The following DERL1 variants were observed in gnomAD, a reference collection of about 807,000 sequenced individuals.
The protein encoded by DERL1 is derlin-1.
A neutral mutation model predicts 41.6 loss-of-function variants in DERL1; 24 were observed. That is an observed-to-expected ratio of 0.58 (90% CI 0.42 to 0.81). The LOEUF is 0.81. DERL1 is among the 30% of genes least tolerant of loss of function. The pLI, the probability that DERL1 is intolerant of heterozygous loss-of-function variation, is 0.00. For synonymous variants in DERL1, 124 were observed against 112.5 expected, an observed-to-expected ratio of 1.10 and a Z score of -0.65; for missense variants, 260 against 314.3, an observed-to-expected ratio of 0.83 and a Z score of 1.31.
rs187476188 is a variant in DERL1 at position 123,019,029 on chromosome 8, T to C, written c.617+166A>G. The C allele has an allele frequency of 3.2e-5, 21 of 655,624 alleles. No homozygotes were observed. In the African/African-American group the frequency reaches 3.5e-4, roughly 11 times the overall value. 40.6% of individuals were successfully genotyped at this position (655,624 alleles called of 1,614,324 possible). ...GAAGGCAACTGAGCCTAAGCTTTAA[T>C]CCCTAACTTCCTGTGACTGTGTGAC... On this transcript the variant is annotated intron_variant, in intron 7 of 7. Transcript: ENST00000259512.
At chr8:123,037,431 A>G (rs1269664492) in intron 1 of DERL1, among the ~76,000 whole-genome samples, 2 of 152,228 alleles carry the variant, frequency 1.3e-5, no homozygotes, top group African/African-American at 4.8e-5. Context: ...GTCTTAGAAC[A>G]AAGTTAATAT....
Position 123,039,594 on chromosome 8 carries a change from G to C in DERL1, c.153+2376C>G, listed in dbSNP as rs144812047. Among the ~76,000 whole-genome samples the C allele has an allele frequency of 1.2e-3, 189 of 152,314 alleles. 1 individual carries two copies. The highest frequency in any genetic ancestry group is 4.4e-3 in the African/African-American group (181 of 41,584). ...AGCCAGATCTACCCAAAGCTGGCTG[G>C]CTGGCTCCTCAGTATTCCAATTTCT... On this transcript the variant is annotated intron_variant, in intron 1 of 7. Transcript: ENST00000259512.
chr8:123,025,105 A>T, intron 2 of DERL1, 55 bp from the exon 3 acceptor site: 1 of 1,564,236 alleles, frequency 6.4e-7, no homozygotes, highest in Non-Finnish European at 8.7e-7. Context: ...ACAAAGTAAC[A>T]TCTACATAGA....
intron 1 of DERL1, among the ~76,000 whole-genome samples, chr8:123,041,339 G>A (rs888302286): frequency 2.0e-4 from 31 of 152,304 alleles, no homozygotes; most frequent in African/African-American, 7.5e-4. Context: ...TGTTACTCTG[G>A]ACTGTTTCCT....
chr8:123,024,921 CTA>C, intron 3 of DERL1, 63 bp downstream of exon 3: 1 of 1,532,036 alleles, frequency 6.5e-7, no homozygotes, highest in South Asian at 1.2e-5. Context: ...AGAATATGGT[CTA>C]TTTCCCCAAA....
Position 123,014,670 on chromosome 8 carries a change from C to G in DERL1, c.*777G>C, listed in dbSNP as rs1814506837. ...GGGTTGCATCCCCCATGGTTTAAACCTAACCCATGTTAGCTGCAACTCCAC... is the reference window on the plus strand; with the variant it reads ...GGGTTGCATCCCCCATGGTTTAAACGTAACCCATGTTAGCTGCAACTCCAC... On this transcript the variant is annotated 3_prime_UTR_variant, in exon 8 of 8. Coordinates refer to ENST00000259512, the MANE Select transcript of DERL1 (RefSeq NM_024295.6). 6.6e-6 allele frequency: 1 copy of G among 152,280 alleles called. No individual in the cohort carries two copies. The highest frequency in any genetic ancestry group is 1.5e-5 in the Non-Finnish European group (1 of 68,054). The allele number at this position is 152,280 out of a possible 1,614,324, so 9.4% of individuals were successfully genotyped here.
At chr8:123,028,749 A>G (rs960695712) in intron 2 of DERL1, among the ~76,000 whole-genome samples, 2 of 152,186 alleles carry the variant, frequency 1.3e-5, no homozygotes, top group African/African-American at 4.8e-5. Context: ...TTTACTATTG[A>G]TATAACGTTT....
intron 1 of DERL1, among the ~76,000 whole-genome samples, chr8:123,039,729 T>C (rs1397619932): frequency 6.6e-6 from 1 of 152,124 alleles, no homozygotes; most frequent in Non-Finnish European, 1.5e-5. Flanking sequence ...TTCAGTCCTA[T>C]TTACTATTGT....
Position 123,023,695 on chromosome 8 carries a change from GT to G in DERL1, c.357+17del. The G allele has an allele frequency of 1.2e-6, 2 of 1,602,888 alleles. No homozygotes were observed. Among genetic ancestry groups the G allele is most frequent in the South Asian group, 2.3e-5 (2 of 88,886 alleles). ...AAACAAATAAAAGGGCAAATAGATA[GT>G]TTAAATGGACACTTACCTGCATATC... On this transcript the variant is annotated intron_variant, in intron 4 of 7. Transcript: ENST00000259512.
At chr8:123,020,009 G>A (rs1228143151) in intron 6 of DERL1, among the ~76,000 whole-genome samples, 1 of 152,212 alleles carries the variant, frequency 6.6e-6, no homozygotes, top group Non-Finnish European at 1.5e-5. Flanking sequence ...CTGGGTGGAA[G>A]AGCAGCTTTG....
At chr8:123,023,833 T>A in intron 3 of DERL1, 94 bp from the exon 4 acceptor site, 1 of 1,414,030 alleles carries the variant, frequency 7.1e-7, no homozygotes, top group Non-Finnish European at 9.7e-7. Flanking sequence ...AAAGTTCACT[T>A]GGCCAGGTGT....
intron 2 of DERL1, among the ~76,000 whole-genome samples, chr8:123,025,336 C>A (rs1038013273): frequency 3.3e-5 from 5 of 152,208 alleles, no homozygotes; most frequent in Non-Finnish European, 7.3e-5. Context: ...AAAGTACAGT[C>A]AATTCCACAG....
At chr8:123,030,178 A>T (rs572402249) in intron 2 of DERL1, 14 of 154,146 alleles carry the variant, frequency 9.1e-5, no homozygotes, top group Admixed American at 7.2e-4. Context: ...CAATTAGAGA[A>T]TAAATCTAGG....
chr8:123,020,195 T>G (rs987768293), intron 6 of DERL1, among the ~76,000 whole-genome samples: 2 of 152,308 alleles, frequency 1.3e-5, no homozygotes, highest in Admixed American at 1.3e-4. Context: ...AAATGGGAGT[T>G]CTGGCTGGGT....
chr8:123,038,650 T>C (rs545218346), intron 1 of DERL1, among the ~76,000 whole-genome samples: 1 of 152,254 alleles, frequency 6.6e-6, no homozygotes, highest in African/African-American at 2.4e-5. Context: ...GTCACTAGTG[T>C]CACTACACAA....
At chr8:123,018,213 C>T (rs1242015984) in intron 7 of DERL1, 2 of 152,134 alleles carry the variant, frequency 1.3e-5, no homozygotes, top group African/African-American at 4.8e-5. Flanking sequence ...CAAGCTATTA[C>T]TGCATATCCC....
In DERL1 at chr8:123,015,389, G is replaced by A. The variant is rs1814532868; in HGVS notation, c.*58C>T. ...GTTAGCCAGAACGCAGTTGTTAAGT[G>A]CACCCAGCACTGGGAGGAAATGTGG... On this transcript the variant is annotated 3_prime_UTR_variant, in exon 8 of 8. Coordinates refer to ENST00000259512, the MANE Select transcript of DERL1 (RefSeq NM_024295.6). 3.2e-6 allele frequency: 5 copies of A among 1,587,140 alleles called. No homozygotes were observed. The highest frequency in any genetic ancestry group is 1.2e-5 in the South Asian group (1 of 86,436).
chr8:123,023,792 A>G, intron 3 of DERL1, 53 bp from the exon 4 acceptor site: 3 of 1,578,434 alleles, frequency 1.9e-6, no homozygotes, highest in Non-Finnish European at 2.6e-6. Flanking sequence ...GTACCTAGTC[A>G]AGACTGATGT....
intron 6 of DERL1, 37 bp from the exon 7 acceptor site, chr8:123,019,342 G>A (rs1203296951): frequency 1.4e-6 from 2 of 1,449,772 alleles, no homozygotes; most frequent in Non-Finnish European, 1.9e-6. Context: ...AGACATTCAA[G>A]CAATAGAGAT....
Sources: gnomAD v4.1 joint callset for allele counts (sites outside exome capture counted in the v4.1 genomes callset) on GRCh38, gnomAD v4.1.1 for gene constraint, MANE v1.5 for transcripts, NCBI Gene and HGNC (gene_info 2026-07-23, HGNC 2026-07-21) for gene names.